Variants in ABCC12 observed in about 807,000 individuals in gnomAD.
ABCC12 encodes ATP-binding cassette sub-family C member 12.
A neutral mutation model predicts 151.1 loss-of-function variants in ABCC12; 142 were observed. That is an observed-to-expected ratio of 0.94 (90% CI 0.82 to 1.08). The LOEUF (loss-of-function observed/expected upper bound fraction) is 1.08, where lower values mean the gene tolerates loss of function less well. Among genes scored for constraint, ABCC12 ranks in the 50% least tolerant of loss-of-function variants. The pLI, the probability that ABCC12 is intolerant of heterozygous loss-of-function variation, is 0.00. For missense variants in ABCC12, 1,638 were observed against 1,691.1 expected, an observed-to-expected ratio of 0.97 and a Z score of 0.55; for synonymous variants, 645 against 646.4, an observed-to-expected ratio of 1.00 and a Z score of 0.03.
chr16:48,108,578 C>T (rs1328537638), intron 18 of ABCC12, 49 bp from the exon 19 acceptor site: 4 of 1,540,572 alleles, frequency 2.6e-6, no homozygotes, highest in African/African-American at 1.4e-5. Flanking sequence ...GGGGTGGGGG[C>T]CCAGCGAGGT....
intron 11 of ABCC12, 59 bp from the exon 12 acceptor site, chr16:48,124,343 C>T (rs1964170726): frequency 1.3e-6 from 2 of 1,545,660 alleles, no homozygotes; most frequent in South Asian, 2.2e-5. Flanking sequence ...GAGGGTCTGG[C>T]CCAAAGGTGC....
intron 4 of ABCC12, among the ~76,000 whole-genome samples, chr16:48,142,584 C>T (rs989048236): frequency 1.3e-5 from 2 of 152,130 alleles, no homozygotes; most frequent in East Asian, 1.9e-4. Context: ...GAGATTTCTT[C>T]GGGGCACAGA....
Position 48,133,669 on chromosome 16 carries a change from T to C in ABCC12, c.1128+18A>G. Reference sequence around the variant, plus strand: ...GGGTCAGGTTGTGAAAGAGCCTCGATCTGGAGCCAGCTCTTACCACGGGTG... The same window carrying C: ...GGGTCAGGTTGTGAAAGAGCCTCGACCTGGAGCCAGCTCTTACCACGGGTG... On this transcript the variant is annotated intron_variant, in intron 9 of 30. Transcript: ENST00000311303. 2 of 1,612,352 alleles carry C rather than the reference T, an allele frequency of 1.2e-6. No individual in the cohort carries two copies. Among genetic ancestry groups the C allele is most frequent in the Non-Finnish European group, 1.7e-6 (2 of 1,179,142 alleles).
intron 3 of ABCC12, among the ~76,000 whole-genome samples, chr16:48,145,071 C>T (rs16945892): frequency 0.032 from 4,893 of 152,214 alleles, 249 homozygotes; most frequent in African/African-American, 0.11. Context: ...CACATTGCCT[C>T]TCCACAAAGC....
At chr16:48,098,063 C>T (rs1237714507) in intron 23 of ABCC12, among the ~76,000 whole-genome samples, 1 of 148,800 alleles carries the variant, frequency 6.7e-6, no homozygotes, top group East Asian at 2.0e-4. Flanking sequence ...AGAGCAGGTG[C>T]TTCTCAATTG....
At chr16:48,113,407 C>A (rs548841065) in intron 15 of ABCC12, among the ~76,000 whole-genome samples, 32 of 152,346 alleles carry the variant, frequency 2.1e-4, no homozygotes, top group Middle Eastern at 3.4e-3. Context: ...GGGGAAGCCC[C>A]CTCTGGTCAG....
intron 23 of ABCC12, among the ~76,000 whole-genome samples, chr16:48,097,230 G>A (rs1003785588): frequency 1.3e-5 from 2 of 152,030 alleles, no homozygotes; most frequent in African/African-American, 4.8e-5. Context: ...GAGGTGCCGA[G>A]TGCTTCACAT....
At position 48,083,688 on chromosome 16, in the gene ABCC12, C is replaced by T; in HGVS notation, c.*27G>A. On this transcript the variant is annotated 3_prime_UTR_variant, in exon 31 of 31. Transcript: ENST00000311303. Reference sequence around the variant, plus strand: ...CCTATTCATCTCACAGAGCCTCTTCCTCCTCTAGAATCAGCCGCCAGGACC... The same window carrying T: ...CCTATTCATCTCACAGAGCCTCTTCTTCCTCTAGAATCAGCCGCCAGGACC... 3 of 1,611,374 alleles carry T rather than the reference C, an allele frequency of 1.9e-6. No individual in the cohort carries two copies. The highest frequency in any genetic ancestry group is 4.5e-5 in the East Asian group (2 of 44,850).
chr16:48,096,176 A>G (rs996583980), intron 24 of ABCC12, among the ~76,000 whole-genome samples: 1 of 152,234 alleles, frequency 6.6e-6, no homozygotes. Context: ...GCAACCAAGA[A>G]GAGAAGTCAG....
Position 48,111,399 on chromosome 16 carries a change from T to C in ABCC12, c.2281+37A>G, listed in dbSNP as rs745352880. Reference sequence around the variant, plus strand: ...CAAACGGTAGATGCCCAATACATCCTTAAGTGTATGTGACTGAGGGGATGT... The same window carrying C: ...CAAACGGTAGATGCCCAATACATCCCTAAGTGTATGTGACTGAGGGGATGT... On this transcript the variant is annotated intron_variant, in intron 18 of 30. Transcript: ENST00000311303. 8.1e-6 allele frequency: 13 copies of C among 1,599,060 alleles called. No homozygotes were observed. In the Admixed American group the frequency reaches 1.7e-4, roughly 21 times the overall value.
chr16:48,147,382 G>A (rs74018289), intron 2 of ABCC12, among the ~76,000 whole-genome samples: 4,924 of 152,172 alleles, frequency 0.032, 249 homozygotes, highest in African/African-American at 0.11. Flanking sequence ...TTTACCTAAG[G>A]TATGTTGAGT....
intron 2 of ABCC12, among the ~76,000 whole-genome samples, chr16:48,148,379 G>A (rs1965068351): frequency 6.6e-6 from 1 of 152,010 alleles, no homozygotes; most frequent in Non-Finnish European, 1.5e-5. Context: ...AGGGACTACA[G>A]GCGTGCACCA....
In ABCC12 at chr16:48,106,140, T is replaced by A. The variant is rs142660185; in HGVS notation, c.2476-804A>T. On this transcript the variant is annotated intron_variant, in intron 20 of 30. Transcript: ENST00000311303. ...TTTCTTCTAAATGCCATTTTGCTGATTACAGTCATAGCGGAAATGTAAATC... is the reference window on the plus strand; with the variant it reads ...TTTCTTCTAAATGCCATTTTGCTGAATACAGTCATAGCGGAAATGTAAATC... Among the ~76,000 whole-genome samples the A allele has an allele frequency of 5.3e-4, 80 of 152,334 alleles. No individual in the cohort carries two copies. The East Asian group carries it at 0.014, about 27-fold the overall frequency.
Position 48,111,640 on chromosome 16 carries a change from G to A in ABCC12, c.2147C>T (p.Ala716Val). ...QFKDPEHLYN[A>V]AMVEAFKESP... ...CTCCTTGAAGGCTTCCACCATTGCT[G>A]CATTGTAAAGGTGTTCAGGATCCTG... The change falls in exon 17 of 31, where the codon GCA becomes GTA. Residue 716 changes from alanine (A) to valine (V), a missense_variant. By Grantham distance (64) the Ala-to-Val change is moderately conservative. Transcript: ENST00000311303. The A allele has an allele frequency of 1.9e-6, 3 of 1,614,094 alleles. No individual in the cohort carries two copies. The highest frequency in any genetic ancestry group is 2.5e-6 in the Non-Finnish European group (3 of 1,180,024).
chr16:48,082,114 C>T lies in ABCC12; in HGVS notation c.*1601G>A, dbSNP rs1057367609. Among the ~76,000 whole-genome samples, 2 of 151,276 alleles carry T rather than the reference C, an allele frequency of 1.3e-5. No individual in the cohort carries two copies. The highest frequency in any genetic ancestry group is 2.0e-4 in the East Asian group (1 of 5,106). ...GATCAGGCAAAGATACACTGTGTCC[C>T]TTCACAGAGAGATCCACACTTGGCC... On this transcript the variant is annotated 3_prime_UTR_variant, in exon 31 of 31. Transcript: ENST00000311303.
At chr16:48,146,651 C>G in intron 2 of ABCC12, 177 bp from the exon 3 acceptor site, 1 of 510,304 alleles carries the variant, frequency 2.0e-6, no homozygotes, top group Non-Finnish European at 3.5e-6. Flanking sequence ...TCCCTTAATG[C>G]TACGCTGAGG....
In ABCC12 at chr16:48,081,893, T is replaced by A. The variant is rs1052029197; in HGVS notation, c.*1822A>T. Among the ~76,000 whole-genome samples the A allele has an allele frequency of 6.6e-6, 1 of 152,066 alleles. No homozygotes were observed. Among genetic ancestry groups the A allele is most frequent in the Non-Finnish European group, 1.5e-5 (1 of 68,010 alleles). On this transcript the variant is annotated 3_prime_UTR_variant, in exon 31 of 31. Transcript: ENST00000311303. ...TGTCCAGTTGGTAGAAAGTAAAGCATCCCTCCCTGACATTGCACAACTGTC... is the reference window on the plus strand; with the variant it reads ...TGTCCAGTTGGTAGAAAGTAAAGCAACCCTCCCTGACATTGCACAACTGTC...
intron 21 of ABCC12, 57 bp downstream of exon 21, chr16:48,105,082 C>G: frequency 6.3e-7 from 1 of 1,599,450 alleles, no homozygotes; most frequent in Non-Finnish European, 8.6e-7. Flanking sequence ...ACTGCAGGTG[C>G]TCCGTATACC....
intron 5 of ABCC12, 125 bp downstream of exon 5, chr16:48,141,080 CG>C (rs1567457596): frequency 1.3e-5 from 19 of 1,426,752 alleles, no homozygotes; most frequent in Non-Finnish European, 1.6e-5. Flanking sequence ...TATGAAAATT[CG>C]CCCCCAAGGA....
Sources: gnomAD v4.1 joint callset for allele counts (sites outside exome capture counted in the v4.1 genomes callset) on GRCh38, gnomAD v4.1.1 for gene constraint, MANE v1.5 for transcripts, NCBI Gene and HGNC (gene_info 2026-07-23, HGNC 2026-07-21) for gene names.